KIAA1328: variants seen among roughly 807,000 people sequenced by gnomAD.
The protein encoded by KIAA1328 is KIAA1328.
In KIAA1328, 52 loss-of-function variants were observed where a neutral mutation model predicts 68.1. The observed-to-expected ratio is 0.76, with a 90% CI of 0.61 to 0.96. The LOEUF (loss-of-function observed/expected upper bound fraction) is 0.96. Ranked by LOEUF, KIAA1328 falls within the 40% of genes least tolerant of loss-of-function variation. KIAA1328 has a pLI of 0.00. For synonymous variants in KIAA1328, 232 were observed against 239.4 expected, an observed-to-expected ratio of 0.97 and a Z score of 0.28; for missense variants, 641 against 677.6, an observed-to-expected ratio of 0.95 and a Z score of 0.60.
chr18:36,972,976 G>C (rs1314366078), intron 6 of KIAA1328, among the ~76,000 whole-genome samples: 1 of 152,192 alleles, frequency 6.6e-6, no homozygotes, highest in Non-Finnish European at 1.5e-5. Flanking sequence ...TATCAATTTT[G>C]TGTTGAAGAT....
At chr18:37,133,489 A>G (rs1056930653) in intron 7 of KIAA1328, among the ~76,000 whole-genome samples, 18 of 151,554 alleles carry the variant, frequency 1.2e-4, no homozygotes, top group Admixed American at 4.6e-4. Flanking sequence ...TCATAGAACT[A>G]TATACACCCC....
intron 7 of KIAA1328, among the ~76,000 whole-genome samples, chr18:37,113,801 G>A (rs1024144217): frequency 3.3e-5 from 5 of 152,098 alleles, no homozygotes; most frequent in South Asian, 2.1e-4. Context: ...TCAAAATAAA[G>A]GGATGGAGGA....
intron 7 of KIAA1328, among the ~76,000 whole-genome samples, chr18:37,114,739 A>G (rs2058051063): frequency 6.6e-6 from 1 of 152,212 alleles, no homozygotes; most frequent in South Asian, 2.1e-4. Context: ...TTTTGAAAAG[A>G]TCAACAAAAC....
intron 7 of KIAA1328, among the ~76,000 whole-genome samples, chr18:37,102,904 A>G (rs563816248): frequency 6.6e-6 from 1 of 152,322 alleles, no homozygotes; most frequent in Admixed American, 6.5e-5. Context: ...TAACTCATTG[A>G]AAAAGAAATC....
intron 6 of KIAA1328, among the ~76,000 whole-genome samples, chr18:37,066,146 G>A (rs2056329505): frequency 6.6e-6 from 1 of 152,202 alleles, no homozygotes; most frequent in South Asian, 2.1e-4. Flanking sequence ...TACAGATTAA[G>A]TTTTGTTCTC....
intron 6 of KIAA1328, among the ~76,000 whole-genome samples, chr18:37,065,234 A>G (rs1257907917): frequency 6.6e-6 from 1 of 152,246 alleles, no homozygotes; most frequent in African/African-American, 2.4e-5. Context: ...GAAAATGGCA[A>G]GAAAGTACAG....
intron 7 of KIAA1328, among the ~76,000 whole-genome samples, chr18:37,084,887 A>G (rs865791673): frequency 4.6e-5 from 7 of 152,300 alleles, no homozygotes; most frequent in African/African-American, 9.6e-5. Flanking sequence ...GCAACAATCA[A>G]TCTGGATCCT....
chr18:37,015,057 C>A (rs1598975448), intron 6 of KIAA1328, among the ~76,000 whole-genome samples: 2 of 152,144 alleles, frequency 1.3e-5, no homozygotes, highest in Admixed American at 6.5e-5. Context: ...CACGCACTGC[C>A]ATGCCCAGCT....
intron 7 of KIAA1328, among the ~76,000 whole-genome samples, chr18:37,076,556 G>C (rs1351317576): frequency 6.6e-6 from 1 of 151,656 alleles, no homozygotes; most frequent in Non-Finnish European, 1.5e-5. Context: ...CTGGTTTTTT[G>C]AAAGGATCAA....
intron 6 of KIAA1328, among the ~76,000 whole-genome samples, chr18:37,012,765 C>G (rs1470320625): frequency 6.6e-6 from 1 of 152,206 alleles, no homozygotes; most frequent in Admixed American, 6.5e-5. Flanking sequence ...ACATTGGACT[C>G]TTAAATGTAT....
chr18:37,139,910 T>C (rs1476461819), intron 7 of KIAA1328, among the ~76,000 whole-genome samples: 3 of 152,208 alleles, frequency 2.0e-5, no homozygotes, highest in Non-Finnish European at 4.4e-5. Flanking sequence ...TCAGAGCTCA[T>C]TTTACTGAGC....
chr18:37,202,381 T>G (rs560790119), intron 9 of KIAA1328, among the ~76,000 whole-genome samples: 1 of 152,210 alleles, frequency 6.6e-6, no homozygotes, highest in South Asian at 2.1e-4. Context: ...ATTGTTTGTT[T>G]GTTTTATTTA....
At chr18:37,186,484 T>C (rs1175028223) in intron 9 of KIAA1328, among the ~76,000 whole-genome samples, 1 of 147,804 alleles carries the variant, frequency 6.8e-6, no homozygotes, top group Non-Finnish European at 1.5e-5. Flanking sequence ...GGAAGATCAC[T>C]TGAGCCCAGG....
rs11877220 is a variant in KIAA1328, at chr18:37,003,697, T to G, written c.576+44262T>G. Among the ~76,000 whole-genome samples the G allele has an allele frequency of 4.7e-3, 713 of 152,266 alleles. 7 individuals are homozygous for G. The highest frequency in any genetic ancestry group is 0.016 in the African/African-American group (676 of 41,560). ...TCTAGAAAGGGTTTTCGATGTTATC[T>G]TCTAGAATTTTTATAATTTCAGATC... On this transcript the variant is annotated intron_variant, in intron 6 of 9. Transcript: ENST00000280020.
intron 5 of KIAA1328, among the ~76,000 whole-genome samples, chr18:36,925,720 T>C (rs1349384216): frequency 6.6e-6 from 1 of 152,004 alleles, no homozygotes; most frequent in African/African-American, 2.4e-5. Flanking sequence ...AATTTTTTTT[T>C]TAGAGATGGG....
chr18:36,876,589 C>T (rs568254353), intron 4 of KIAA1328, among the ~76,000 whole-genome samples: 2 of 152,006 alleles, frequency 1.3e-5, no homozygotes, highest in Non-Finnish European at 2.9e-5. Flanking sequence ...GTCTGGCTAG[C>T]AGTCTATCTA....
intron 7 of KIAA1328, among the ~76,000 whole-genome samples, chr18:37,111,059 T>G (rs901891348): frequency 6.6e-6 from 1 of 152,170 alleles, no homozygotes; most frequent in Admixed American, 6.6e-5. Flanking sequence ...GGAAAGACTT[T>G]CTTTGTTACG....
intron 5 of KIAA1328, among the ~76,000 whole-genome samples, chr18:36,910,339 T>A (rs1199709811): frequency 2.6e-5 from 4 of 152,230 alleles, no homozygotes; most frequent in African/African-American, 4.8e-5. Context: ...TTTCTACATA[T>A]GGCTAGCCAG....
chr18:37,229,582 A>C, downstream of KIAA1328: 1 of 1,277,424 alleles, frequency 7.8e-7, no homozygotes, highest in Non-Finnish European at 1.0e-6. Context: ...ATCTTCAAGA[A>C]GTATCAAGTC....
Sources: gnomAD v4.1 joint callset for allele counts (sites outside exome capture counted in the v4.1 genomes callset) on GRCh38, gnomAD v4.1.1 for gene constraint, MANE v1.5 for transcripts, NCBI Gene and HGNC (gene_info 2026-07-23, HGNC 2026-07-21) for gene names.